Variants in FBXL17 observed in about 807,000 individuals in gnomAD.
The protein encoded by FBXL17 is F-box/LRR-repeat protein 17.
Under a neutral mutation model 66.2 loss-of-function variants are expected in FBXL17, and 22 were observed. The observed-to-expected ratio is 0.33, with a 90% CI of 0.24 to 0.47. The LOEUF is 0.47. Ranked by LOEUF, FBXL17 falls within the 20% of genes least tolerant of loss-of-function variation. The probability of loss-of-function intolerance (pLI) is 1.00; values close to 1 mark genes in which losing one functional copy is unlikely to be tolerated. For missense variants in FBXL17, 878 were observed against 948.2 expected (o/e 0.93, Z 0.97); for synonymous variants, 474 against 400.5 (o/e 1.18, Z -2.19).
At position 108,103,835 on chromosome 5, in the gene FBXL17, G is replaced by A. The variant is rs576346237; in HGVS notation, c.1745+82282C>T. ...CTACATGTATTTGACTTCTCAAAAA[G>A]TCTCCCTTCATTTACCGTTTCTCTC... On this transcript the variant is annotated intron_variant, in intron 6 of 8. Transcript: ENST00000542267. 5.3e-5 allele frequency among the ~76,000 whole-genome samples: 8 copies of A among 152,194 alleles called. No individual in the cohort carries two copies. In the South Asian group the frequency reaches 1.7e-3, roughly 32 times the overall value.
chr5:108,276,909 T>C (rs915153047), intron 4 of FBXL17, among the ~76,000 whole-genome samples: 2 of 152,042 alleles, frequency 1.3e-5, no homozygotes, highest in African/African-American at 4.8e-5. Context: ...ATGCATACCC[T>C]GGCTAATTTT....
chr5:108,281,927 T>G (rs1757717399), intron 4 of FBXL17, among the ~76,000 whole-genome samples: 1 of 151,636 alleles, frequency 6.6e-6, no homozygotes, highest in Non-Finnish European at 1.5e-5. Flanking sequence ...GGATAAATGC[T>G]TGGAAACATA....
intron 7 of FBXL17, among the ~76,000 whole-genome samples, chr5:107,939,650 C>T (rs1751029400): frequency 6.6e-6 from 1 of 152,136 alleles, no homozygotes; most frequent in Non-Finnish European, 1.5e-5. Context: ...ACCCTGTCTC[C>T]AGTATTTCCT....
At chr5:108,267,968 A>G (rs1175778713) in intron 4 of FBXL17, among the ~76,000 whole-genome samples, 1 of 152,240 alleles carries the variant, frequency 6.6e-6, no homozygotes, top group Admixed American at 6.5e-5. Context: ...AACAGGGATG[A>G]TGTAAAATGC....
intron 5 of FBXL17, among the ~76,000 whole-genome samples, chr5:108,202,363 G>C (rs948710629): frequency 4.6e-5 from 7 of 152,090 alleles, no homozygotes; most frequent in Non-Finnish European, 1.0e-4. Context: ...TTATAAAAGA[G>C]TACCCTCACT....
At chr5:108,304,221 A>G (rs1416142837) in intron 4 of FBXL17, among the ~76,000 whole-genome samples, 2 of 152,044 alleles carry the variant, frequency 1.3e-5, no homozygotes, top group African/African-American at 2.4e-5. Context: ...CTACTACCGT[A>G]TAATTCTTTA....
chr5:108,225,711 T>C (rs879301037), intron 4 of FBXL17, among the ~76,000 whole-genome samples: 1 of 152,222 alleles, frequency 6.6e-6, no homozygotes, highest in Non-Finnish European at 1.5e-5. Context: ...TTTGTGGTAC[T>C]TGGTTCTAAC....
chr5:108,308,253 TAAC>T (rs1016419294), intron 4 of FBXL17, among the ~76,000 whole-genome samples: 13 of 152,074 alleles, frequency 8.5e-5, no homozygotes, highest in Non-Finnish European at 1.3e-4. Context: ...GTAGTAGAAA[TAAC>T]AATAACAAGT....
At chr5:107,867,536 G>A (rs1396933155) in intron 8 of FBXL17, among the ~76,000 whole-genome samples, 1 of 152,264 alleles carries the variant, frequency 6.6e-6, no homozygotes, top group African/African-American at 2.4e-5. Context: ...TACAGCATCA[G>A]CAGCCTGCTC....
chr5:107,971,455 T>C (rs1473978969), intron 7 of FBXL17, among the ~76,000 whole-genome samples: 3 of 152,234 alleles, frequency 2.0e-5, no homozygotes, highest in Non-Finnish European at 2.9e-5. Flanking sequence ...CATGTATTTC[T>C]TAACCACTTA....
intron 6 of FBXL17, among the ~76,000 whole-genome samples, chr5:108,039,668 A>G (rs898853869): frequency 6.6e-6 from 1 of 152,142 alleles, no homozygotes; most frequent in South Asian, 2.1e-4. Flanking sequence ...ATATAACTGG[A>G]TATCAGCTCA....
chr5:108,215,077 A>C (rs574436319), intron 5 of FBXL17, among the ~76,000 whole-genome samples: 1 of 152,326 alleles, frequency 6.6e-6, no homozygotes, highest in African/African-American at 2.4e-5. Context: ...ATTCCTCTGT[A>C]TGAATATACC....
chr5:108,214,568 C>T (rs565087087), intron 5 of FBXL17, among the ~76,000 whole-genome samples: 2 of 152,080 alleles, frequency 1.3e-5, no homozygotes, highest in East Asian at 3.9e-4. Context: ...GACAGCATTT[C>T]ACCATATTGG....
At chr5:108,139,881 T>C (rs1751285450) in intron 6 of FBXL17, among the ~76,000 whole-genome samples, 1 of 152,190 alleles carries the variant, frequency 6.6e-6, no homozygotes, top group African/African-American at 2.4e-5. Flanking sequence ...GCCTTCTGAA[T>C]TCTTCCTGAA....
intron 6 of FBXL17, among the ~76,000 whole-genome samples, chr5:108,140,536 A>T (rs868064920): frequency 9.9e-5 from 15 of 151,860 alleles, no homozygotes; most frequent in African/African-American, 3.4e-4. Context: ...CATCCTCTTC[A>T]TTTTCTCTAG....
chr5:107,917,856 AAAC>A (rs1460967833), intron 7 of FBXL17, among the ~76,000 whole-genome samples: 4 of 152,244 alleles, frequency 2.6e-5, no homozygotes, highest in Non-Finnish European at 5.9e-5. Context: ...AAAAAGGAAA[AAAC>A]AAACTCAATA....
intron 6 of FBXL17, among the ~76,000 whole-genome samples, chr5:108,092,006 T>C (rs1217403713): frequency 6.6e-6 from 1 of 152,242 alleles, no homozygotes; most frequent in Admixed American, 6.5e-5. Context: ...GTAAACACAA[T>C]ATCTTTCCTC....
intron 4 of FBXL17, among the ~76,000 whole-genome samples, chr5:108,294,088 C>A (rs1318791665): frequency 1.5e-5 from 2 of 131,678 alleles, no homozygotes; most frequent in African/African-American, 2.8e-5. Context: ...GTATTTCAAT[C>A]ATTAAGATAA....
intron 7 of FBXL17, among the ~76,000 whole-genome samples, chr5:107,969,923 T>C (rs1195919478): frequency 1.3e-5 from 2 of 152,206 alleles, no homozygotes; most frequent in Non-Finnish European, 2.9e-5. Flanking sequence ...TGAACACTAA[T>C]GCCATGCTAC....
Sources: gnomAD v4.1 joint callset for allele counts (sites outside exome capture counted in the v4.1 genomes callset) on GRCh38, gnomAD v4.1.1 for gene constraint, MANE v1.5 for transcripts, NCBI Gene and HGNC (gene_info 2026-07-23, HGNC 2026-07-21) for gene names.